Variants in SMCHD1 observed in about 807,000 individuals in gnomAD.
SMCHD1 encodes the protein structural maintenance of chromosomes flexible hinge domain containing 1, also known as structural maintenance of chromosomes flexible hinge domain-containing protein 1.
Under a neutral mutation model 254.7 loss-of-function variants are expected in SMCHD1, and 78 were observed. The observed-to-expected ratio is 0.31, with a 90% confidence interval of 0.26 to 0.37. The LOEUF (loss-of-function observed/expected upper bound fraction) is 0.37, where lower values mean the gene tolerates loss of function less well. SMCHD1 is among the 10% of genes least tolerant of loss of function. The probability of loss-of-function intolerance (pLI) is 1.00; values close to 1 mark genes in which losing one functional copy is unlikely to be tolerated. For synonymous variants in SMCHD1, 766 were observed against 794.9 expected (o/e 0.96, Z 0.61); for missense variants, 1,840 against 2,408.1 (o/e 0.76, Z 4.94).
intron 44 of SMCHD1, among the ~76,000 whole-genome samples, chr18:2,782,311 ACTGT>A (rs1367035164): frequency 1.3e-5 from 2 of 152,140 alleles, no homozygotes; most frequent in African/African-American, 2.4e-5. Flanking sequence ...GAATTGAGAA[ACTGT>A]CTGTGAAAGT....
chr18:2,743,676 T>C, intron 28 of SMCHD1, 85 bp from the exon 29 acceptor site: 1 of 972,134 alleles, frequency 1.0e-6, no homozygotes, highest in Non-Finnish European at 1.5e-6. Context: ...TGTACGCCCA[T>C]GGGTTAATGA....
intron 1 of SMCHD1, among the ~76,000 whole-genome samples, chr18:2,662,667 CAAAAAAAAAA>C (rs745838636): frequency 2.8e-5 from 1 of 35,684 alleles, no homozygotes; most frequent in Admixed American, 3.3e-4. Flanking sequence ...AACAAAAAAC[CAAAAAAAAAA>C]AAAAAAAAAA....
At chr18:2,774,096 A>T (rs537206229) in intron 41 of SMCHD1, among the ~76,000 whole-genome samples, 1 of 152,310 alleles carries the variant, frequency 6.6e-6, no homozygotes, top group Non-Finnish European at 1.5e-5. Context: ...TCCCATCTCT[A>T]AATGAGGAAG....
intron 26 of SMCHD1, 40 bp downstream of exon 26, chr18:2,738,585 A>AAG: frequency 6.5e-7 from 1 of 1,545,370 alleles, no homozygotes; most frequent in Admixed American, 2.0e-5. Context: ...ATGGCAACAA[A>AAG]ATACTGTCCT....
At chr18:2,701,155 G>T (rs2074390651) in intron 12 of SMCHD1, 57 of 227,984 alleles carry the variant, frequency 2.5e-4, no homozygotes, top group East Asian at 4.6e-4. Flanking sequence ...ATCTTCATTA[G>T]TTTTTTTTGT....
intron 43 of SMCHD1, 93 bp downstream of exon 43, chr18:2,778,008 T>C (rs2076095060): frequency 9.6e-7 from 1 of 1,042,414 alleles, no homozygotes; most frequent in Non-Finnish European, 1.4e-6. Flanking sequence ...TATATTCTTA[T>C]TTTGCTTATC....
At chr18:2,773,872 G>A (rs1598431360) in intron 41 of SMCHD1, among the ~76,000 whole-genome samples, 2 of 152,222 alleles carry the variant, frequency 1.3e-5, no homozygotes, top group South Asian at 2.1e-4. Context: ...GCAGTGAGCC[G>A]AGATCATGCC....
chr18:2,752,256 A>G (rs951190941), intron 33 of SMCHD1, among the ~76,000 whole-genome samples: 11 of 152,166 alleles, frequency 7.2e-5, no homozygotes, highest in African/African-American at 2.7e-4. Flanking sequence ...ATATCACCAT[A>G]AAGTTCTACT....
Position 2,724,894 on chromosome 18 carries a change from C to T in SMCHD1, c.2604-5C>T, listed in dbSNP as rs1160394356. The T allele has an allele frequency of 6.5e-6, 10 of 1,538,830 alleles. No homozygotes were observed. Among genetic ancestry groups the T allele is most frequent in the Admixed American group, 1.9e-5 (1 of 53,232 alleles). Reference sequence around the variant, plus strand: ...GGGAGTTAAAAAATAATTTTTTTTCCCCAGTGGTTTATCTTTACATTATGA... The same window carrying T: ...GGGAGTTAAAAAATAATTTTTTTTCTCCAGTGGTTTATCTTTACATTATGA... On this transcript the variant is annotated splice_region_variant and splice_polypyrimidine_tract_variant and intron_variant, in intron 20 of 47. Coordinates refer to ENST00000320876, the MANE Select transcript of SMCHD1 (RefSeq NM_015295.3).
chr18:2,749,937 T>G (rs753457728), intron 30 of SMCHD1, 106 bp from the exon 31 acceptor site: 95 of 988,594 alleles, frequency 9.6e-5, no homozygotes, highest in Non-Finnish European at 1.3e-4. Context: ...ATGCAAATAC[T>G]GCTTTTAAAA....
At chr18:2,762,912 T>A (rs1447967963) in intron 36 of SMCHD1, among the ~76,000 whole-genome samples, 3 of 152,198 alleles carry the variant, frequency 2.0e-5, no homozygotes, top group African/African-American at 2.4e-5. Flanking sequence ...GTATTTTTTT[T>A]AAAGAGATCT....
chr18:2,727,710 T>C (rs1005443082), intron 22 of SMCHD1, among the ~76,000 whole-genome samples: 35 of 152,072 alleles, frequency 2.3e-4, no homozygotes, highest in Non-Finnish European at 2.9e-5. Context: ...ATGATGATAA[T>C]AGTAACGTCT....
chr18:2,699,346 T>C (rs1334308367), intron 10 of SMCHD1, among the ~76,000 whole-genome samples: 1 of 152,188 alleles, frequency 6.6e-6, no homozygotes, highest in African/African-American at 2.4e-5. Flanking sequence ...GGTTTTGTTT[T>C]TTATTTTTTG....
intron 33 of SMCHD1, among the ~76,000 whole-genome samples, 193 bp downstream of exon 33, chr18:2,751,586 A>G (rs2075572784): frequency 1.3e-5 from 2 of 152,290 alleles, no homozygotes; most frequent in South Asian, 4.1e-4. Flanking sequence ...ATTGAAAAAG[A>G]GTAGTCTACA....
chr18:2,705,627 T>G (rs1466101955), intron 13 of SMCHD1, 67 bp from the exon 14 acceptor site: 2 of 648,832 alleles, frequency 3.1e-6, no homozygotes, highest in African/African-American at 3.7e-5. Flanking sequence ...AAAATTATTA[T>G]TAAGCCTTTT....
intron 7 of SMCHD1, chr18:2,691,583 A>G (rs2074180892): frequency 6.6e-6 from 1 of 152,256 alleles, no homozygotes; most frequent in Non-Finnish European, 1.5e-5. Flanking sequence ...CTCAATACTG[A>G]GACACTGAAT....
rs2074248138 is a variant in SMCHD1, at chr18:2,694,599, A to G, written c.946A>G (p.Lys316Glu). 6.2e-7 allele frequency: 1 copy of G among 1,611,762 alleles called. No individual in the cohort carries two copies. Among genetic ancestry groups the G allele is most frequent in the South Asian group, 1.1e-5 (1 of 90,918 alleles). The change falls in exon 8 of 48, where the codon AAA (lysine) becomes GAA (glutamate). Residue 316 changes from lysine (K) to glutamate (E), a missense_variant. Physicochemically the swap from Lys to Glu is moderately conservative, Grantham distance 56. Coordinates refer to ENST00000320876, the MANE Select transcript of SMCHD1 (RefSeq NM_015295.3). ...TCATCTTATCATAGAGGAGAAGGAA[A>G]AAGATAGCTTTACTGCTGTGGTTAT... The part of the protein sequence containing the change: ...LHHLIIEEKE[K>E]DSFTAVVITG...
chr18:2,663,152 A>G (rs1333088966), intron 1 of SMCHD1, among the ~76,000 whole-genome samples: 1 of 152,176 alleles, frequency 6.6e-6, no homozygotes, highest in Non-Finnish European at 1.5e-5. Flanking sequence ...CACCCAAGCT[A>G]GAGTGCAGTA....
chr18:2,734,441 T>C (rs1298340755), intron 25 of SMCHD1, among the ~76,000 whole-genome samples: 2 of 152,092 alleles, frequency 1.3e-5, no homozygotes, highest in Non-Finnish European at 2.9e-5. Context: ...TGTGCACTTC[T>C]TCATTGACAG....
Sources: allele counts gnomAD v4.1 joint callset (sites outside exome capture counted in the v4.1 genomes callset), GRCh38; gene constraint gnomAD v4.1.1; transcripts MANE v1.5; gene names NCBI Gene and HGNC (gene_info 2026-07-23, HGNC 2026-07-21).